DNAH6: variants seen among roughly 807,000 people sequenced by gnomAD.
DNAH6 encodes axonemal beta dynein heavy chain 6.
In DNAH6, 340 loss-of-function variants were observed where a neutral mutation model predicts 491.4. The ratio of observed to expected loss-of-function variants is 0.69; its 90% confidence interval spans 0.63 to 0.76. The LOEUF is 0.76. DNAH6 is among the 30% of genes least tolerant of loss of function. DNAH6 has a pLI of 0.00. For synonymous variants in DNAH6, 1,603 were observed against 1,686.1 expected (o/e 0.95, Z 1.21); for missense variants, 4,443 against 4,972.2 (o/e 0.89, Z 3.20).
At chr2:84,665,808 T>G (rs570675132) in intron 37 of DNAH6, among the ~76,000 whole-genome samples, 1 of 152,192 alleles carries the variant, frequency 6.6e-6, no homozygotes, top group African/African-American at 2.4e-5. Flanking sequence ...AAAAAGAGAA[T>G]TTTAGACCAA....
At chr2:84,588,722 A>G (rs1261442627) in intron 15 of DNAH6, 104 bp from the exon 16 acceptor site, 6 of 1,108,384 alleles carry the variant, frequency 5.4e-6, no homozygotes, top group Non-Finnish European at 7.4e-6. Context: ...ATCAAAAAGA[A>G]AAGAGAAAGG....
At chr2:84,735,655 A>AT (rs1403092397) in intron 62 of DNAH6, among the ~76,000 whole-genome samples, 1 of 151,792 alleles carries the variant, frequency 6.6e-6, no homozygotes, top group Non-Finnish European at 1.5e-5. Context: ...CATGTTGAGC[A>AT]TTTTTTCATG....
intron 64 of DNAH6, among the ~76,000 whole-genome samples, chr2:84,767,139 C>T (rs776002313): frequency 8.6e-5 from 13 of 151,750 alleles, no homozygotes; most frequent in Non-Finnish European, 1.3e-4. Flanking sequence ...AATGGATATA[C>T]GACATTAATT....
At chr2:84,597,294 C>T (rs1684692651) in intron 18 of DNAH6, among the ~76,000 whole-genome samples, 1 of 152,090 alleles carries the variant, frequency 6.6e-6, no homozygotes, top group South Asian at 2.1e-4. Context: ...ACAAATAACC[C>T]TTTAAAATGG....
chr2:84,817,986 A>G (rs1166024054), intron 76 of DNAH6, among the ~76,000 whole-genome samples: 1 of 152,202 alleles, frequency 6.6e-6, no homozygotes, highest in Non-Finnish European at 1.5e-5. Context: ...TTGGGGATCA[A>G]ATTTCAACAT....
intron 16 of DNAH6, among the ~76,000 whole-genome samples, 153 bp from the exon 17 acceptor site, chr2:84,593,819 T>C (rs1471949399): frequency 1.3e-5 from 2 of 150,986 alleles, no homozygotes; most frequent in Non-Finnish European, 2.9e-5. Flanking sequence ...TTTTTTTTTT[T>C]CTTCATCTGT....
chr2:84,487,248 A>G, the DNAH6 span, among the ~76,000 whole-genome samples: 1 of 152,162 alleles, frequency 6.6e-6, no homozygotes, highest in Non-Finnish European at 1.5e-5. Context: ...ATATCTACCC[A>G]TCCTCTGGTC....
chr2:84,667,455 C>T (rs1245783849), intron 37 of DNAH6, among the ~76,000 whole-genome samples: 2 of 152,292 alleles, frequency 1.3e-5, no homozygotes, highest in African/African-American at 2.4e-5. Flanking sequence ...TGAACAGATA[C>T]TTCTCAAAAG....
chr2:84,584,019 G>A lies in DNAH6; in HGVS notation c.2250G>A (p.Glu750=). ...TTTAGATTGAAAGCCTTGAAGATGA[G>A]GGGAATATAGTGACTCAAATGTACA... ...IQERIESLED[E]GNIVTQMYKL... Residue 750 remains glutamate (E), a synonymous_variant, in exon 15 of 77, where the codon GAG becomes GAA. Transcript: ENST00000389394. 6.2e-7 allele frequency: 1 copy of A among 1,613,912 alleles called. No homozygotes were observed.
At chr2:84,572,035 C>T (rs879870788) in intron 11 of DNAH6, among the ~76,000 whole-genome samples, 6 of 152,144 alleles carry the variant, frequency 3.9e-5, no homozygotes, top group Non-Finnish European at 5.9e-5. Flanking sequence ...AAATTCATTA[C>T]TGGAACAAAT....
rs542434168 is a variant in DNAH6, at chr2:84,724,864, C to T, written c.9972+2060C>T. Among the ~76,000 whole-genome samples, 3 of 152,334 alleles carry T rather than the reference C, an allele frequency of 2.0e-5. No homozygotes were observed. The South Asian group carries it at 6.2e-4, about 32-fold the overall frequency. On this transcript the variant is annotated intron_variant, in intron 60 of 76. Coordinates refer to ENST00000389394, the MANE Select transcript of DNAH6 (RefSeq NM_001370.2). ...CCTTGGATTTCATGCACCATCAATT[C>T]GGCTACAGTCTGTTGGTCAATCAAA...
intron 14 of DNAH6, among the ~76,000 whole-genome samples, chr2:84,582,314 C>T (rs925388902): frequency 6.6e-6 from 1 of 152,078 alleles, no homozygotes; most frequent in Non-Finnish European, 1.5e-5. Flanking sequence ...GACTCCAGAT[C>T]AGCAGCAGCA....
intron 2 of DNAH6, among the ~76,000 whole-genome samples, chr2:84,520,258 G>A (rs941946371): frequency 2.0e-5 from 3 of 151,772 alleles, no homozygotes; most frequent in Admixed American, 6.6e-5. Flanking sequence ...ATTTTACCTG[G>A]AAACCAGTTT....
rs1343684269 is a variant in DNAH6 at position 84,577,126 on chromosome 2, C to T, written c.1925-131C>T. 15 of 504,594 alleles carry T rather than the reference C, an allele frequency of 3.0e-5. No individual in the cohort carries two copies. The East Asian group carries it at 5.1e-4, about 17-fold the overall frequency. The allele number at this position is 504,594 out of a possible 1,614,324, so 31.3% of individuals were successfully genotyped here. On this transcript the variant is annotated intron_variant, in intron 12 of 76. Coordinates refer to ENST00000389394, the MANE Select transcript of DNAH6 (RefSeq NM_001370.2). Reference sequence around the variant, plus strand: ...GCATTTTAAAGTTACATGAGATACTCTAAGTACAGATAATAACATTATACA... The same window carrying T: ...GCATTTTAAAGTTACATGAGATACTTTAAGTACAGATAATAACATTATACA...
chr2:84,678,473 T>C (rs749855511), intron 41 of DNAH6, among the ~76,000 whole-genome samples: 1 of 152,194 alleles, frequency 6.6e-6, no homozygotes, highest in Non-Finnish European at 1.5e-5. Context: ...AAGAAACTTA[T>C]GCCTGGTTAG....
chr2:84,713,478 A>C (rs986912418), intron 57 of DNAH6, among the ~76,000 whole-genome samples: 97 of 152,182 alleles, frequency 6.4e-4, no homozygotes, highest in Non-Finnish European at 2.8e-4. Flanking sequence ...GTTAGGTTGC[A>C]AGCCCCTACC....
chr2:84,815,701 T>A (rs1680422011), intron 75 of DNAH6, among the ~76,000 whole-genome samples, 160 bp from the exon 76 acceptor site: 1 of 152,194 alleles, frequency 6.6e-6, no homozygotes, highest in South Asian at 2.1e-4. Flanking sequence ...TTTTTGCCTC[T>A]CAGAGCCTCA....
intron 13 of DNAH6, among the ~76,000 whole-genome samples, chr2:84,578,347 T>C (rs367785965): frequency 1.8e-4 from 28 of 152,314 alleles, no homozygotes; most frequent in African/African-American, 6.7e-4. Context: ...TTTTAGCTAC[T>C]GTATGCTCAA....
rs556180726 is a variant in DNAH6 at position 84,685,535 on chromosome 2, A to G, written c.7063+63A>G. The stretch of plus-strand genomic sequence containing the variant: ...AGTAGAAAAGCAATTTGGTTTCTAC[A>G]AAGAACAATTAACACAAAAAGAATT... On this transcript the variant is annotated intron_variant, in intron 43 of 76. Coordinates refer to ENST00000389394, the MANE Select transcript of DNAH6 (RefSeq NM_001370.2). 2.4e-5 allele frequency: 26 copies of G among 1,076,724 alleles called. No individual in the cohort carries two copies. The African/African-American group carries it at 3.7e-4, about 15-fold the overall frequency. 66.7% of individuals were successfully genotyped at this position (1,076,724 alleles called of 1,614,324 possible).
Sources: gnomAD v4.1 joint callset for allele counts (sites outside exome capture counted in the v4.1 genomes callset) on GRCh38, gnomAD v4.1.1 for gene constraint, MANE v1.5 for transcripts, NCBI Gene and HGNC (gene_info 2026-07-23, HGNC 2026-07-21) for gene names.